Variants in ANO3 observed in about 807,000 individuals in gnomAD.
ANO3 encodes the protein anoctamin 3.
ANO3 carries 99 observed loss-of-function variants against 144.8 expected under a neutral mutation model. That is an observed-to-expected ratio of 0.68 (90% CI 0.58 to 0.81). ANO3 has a LOEUF of 0.81. ANO3 is among the 30% of genes least tolerant of loss of function. The probability of loss-of-function intolerance (pLI) is 0.00; values close to 1 mark genes in which losing one functional copy is unlikely to be tolerated. For missense variants in ANO3, 905 were observed against 1,202.2 expected (o/e 0.75, Z 3.66); for synonymous variants, 414 against 392.6 (o/e 1.05, Z -0.64).
intron 1 of ANO3, among the ~76,000 whole-genome samples, chr11:26,334,609 A>G (rs1855146209): frequency 6.6e-6 from 1 of 152,242 alleles, no homozygotes; most frequent in African/African-American, 2.4e-5. Flanking sequence ...TAACATGAAC[A>G]GAATACATTC....
intron 9 of ANO3, among the ~76,000 whole-genome samples, chr11:26,535,254 A>C (rs2134192084): frequency 6.6e-6 from 1 of 152,340 alleles, no homozygotes; most frequent in African/African-American, 2.4e-5. Context: ...TAATTTTCTA[A>C]ATTTCTTTGT....
chr11:26,243,376 T>C (rs553984119), intron 1 of ANO3, among the ~76,000 whole-genome samples: 23 of 152,166 alleles, frequency 1.5e-4, no homozygotes, highest in Non-Finnish European at 3.1e-4. Flanking sequence ...TTATATGTTC[T>C]TTGCAAGAAT....
chr11:26,391,765 T>C (rs1408946611), intron 1 of ANO3, among the ~76,000 whole-genome samples: 4 of 152,138 alleles, frequency 2.6e-5, no homozygotes, highest in Non-Finnish European at 5.9e-5. Context: ...TATCTCTATT[T>C]AAGACACTCA....
Position 26,273,742 on chromosome 11 carries a change from A to G in ANO3, c.155-35903A>G, listed in dbSNP as rs185633233. ...TGGAGAAATTCAAAAACAAATAGAC[A>G]TCACACGAGAGGAGTTAACCGAAGA... On this transcript the variant is annotated intron_variant, in intron 1 of 27. Transcript: ENST00000672621. 7.9e-5 allele frequency among the ~76,000 whole-genome samples: 12 copies of G among 152,144 alleles called. No individual in the cohort carries two copies. The East Asian group carries it at 1.7e-3, about 22-fold the overall frequency.
chr11:26,458,997 TCAAA>T (rs1834832338), intron 3 of ANO3, among the ~76,000 whole-genome samples: 1 of 151,974 alleles, frequency 6.6e-6, no homozygotes. Flanking sequence ...GAAATAATGG[TCAAA>T]CAGTGATTCT....
At chr11:26,303,943 GA>G (rs1212970636) in intron 1 of ANO3, among the ~76,000 whole-genome samples, 1 of 151,990 alleles carries the variant, frequency 6.6e-6, no homozygotes, top group Non-Finnish European at 1.5e-5. Context: ...TCGATCTCTT[GA>G]CCTCGTGATC....
At chr11:26,501,298 A>G (rs924085342) in intron 4 of ANO3, among the ~76,000 whole-genome samples, 7 of 152,304 alleles carry the variant, frequency 4.6e-5, no homozygotes, top group African/African-American at 1.4e-4. Flanking sequence ...TGAGCAGGCC[A>G]GAGTCACGCC....
intron 6 of ANO3, among the ~76,000 whole-genome samples, chr11:26,522,111 G>C (rs1862102760): frequency 6.6e-6 from 1 of 152,036 alleles, no homozygotes; most frequent in African/African-American, 2.4e-5. Context: ...GTGAACCCGG[G>C]AGGCTGAGCT....
At chr11:26,415,393 C>T (rs1857554908) in intron 1 of ANO3, among the ~76,000 whole-genome samples, 1 of 151,940 alleles carries the variant, frequency 6.6e-6, no homozygotes, top group South Asian at 2.1e-4. Flanking sequence ...GATTCTAGTG[C>T]CATTCTTTTT....
At chr11:26,455,932 T>G (rs1466086256) in intron 3 of ANO3, among the ~76,000 whole-genome samples, 1 of 151,790 alleles carries the variant, frequency 6.6e-6, no homozygotes, top group Admixed American at 6.6e-5. Context: ...TATCTACAAC[T>G]ATCTGATCTT....
At chr11:26,329,327 C>CACACACAG (rs1476384143), upstream of ANO3, among the ~76,000 whole-genome samples, 1 of 110,374 alleles carries the variant, frequency 9.1e-6, no homozygotes, top group East Asian at 2.5e-4. Context: ...CACACACACA[C>CACACACAG]AGAGAGAGAG....
At chr11:26,235,207 C>A (rs1399692213) in intron 1 of ANO3, among the ~76,000 whole-genome samples, 3 of 152,136 alleles carry the variant, frequency 2.0e-5, no homozygotes, top group Non-Finnish European at 2.9e-5. Context: ...AATGTTTAAC[C>A]AGGTATCTGA....
intron 1 of ANO3, among the ~76,000 whole-genome samples, chr11:26,376,175 G>T (rs1856400840): frequency 6.6e-6 from 1 of 152,066 alleles, no homozygotes; most frequent in Non-Finnish European, 1.5e-5. Flanking sequence ...TTGTACGTGG[G>T]TGAAAAAGAG....
At position 26,598,889 on chromosome 11, in the gene ANO3, A is replaced by G; in HGVS notation, c.1562A>G (p.Tyr521Cys). The change falls in exon 16 of 27, where the codon TAT becomes TGT. Residue 521 changes from tyrosine (Y) to cysteine (C), a missense_variant. By Grantham distance (194) the Tyr-to-Cys change is radical (BLOSUM62 -2). This residue lies in a region of ANO3 where 597 missense variants were observed against 865.1 expected (regional missense o/e 0.69). Transcript: ENST00000256737. ...CTTCGTCCCCAGTTTGAAGCCAAGTATTACAAGATGGAGATTGTAAATCCC... is the reference window on the plus strand; with the variant it reads ...CTTCGTCCCCAGTTTGAAGCCAAGTGTTACAAGATGGAGATTGTAAATCCC... Reference protein sequence around the residue: ...ETLRPQFEAKYYKMEIVNPIT... With the variant: ...ETLRPQFEAKCYKMEIVNPIT... 1 of 1,613,968 alleles carries G rather than the reference A, an allele frequency of 6.2e-7. No individual in the cohort carries two copies. The highest frequency in any genetic ancestry group is 1.1e-5 in the South Asian group (1 of 91,036).
At chr11:26,563,395 C>CTCTGTGTGTG (rs371195680) in intron 14 of ANO3, 9 of 540,112 alleles carry the variant, frequency 1.7e-5, no homozygotes, top group African/African-American at 1.2e-4. Flanking sequence ...GTTTCTCTCT[C>CTCTGTGTGTG]TGTGTGTGTG....
intron 19 of ANO3, 119 bp downstream of exon 19, chr11:26,634,434 C>A: frequency 4.7e-6 from 3 of 632,828 alleles, no homozygotes; most frequent in Admixed American, 2.8e-5. Flanking sequence ...AAAGTTGGCA[C>A]AAAAAAATAA....
At chr11:26,240,642 C>T (rs1007926141) in intron 1 of ANO3, among the ~76,000 whole-genome samples, 2 of 152,024 alleles carry the variant, frequency 1.3e-5, no homozygotes, top group African/African-American at 2.4e-5. Flanking sequence ...ATATACTGTT[C>T]GGTTTTTTAC....
At chr11:26,606,953 A>T (rs1851953041) in intron 17 of ANO3, among the ~76,000 whole-genome samples, 2 of 152,112 alleles carry the variant, frequency 1.3e-5, no homozygotes, top group Non-Finnish European at 2.9e-5. Context: ...AGCTCTGGCA[A>T]GGCAGGTCTG....
At chr11:26,289,757 GTA>G (rs1183390524) in intron 1 of ANO3, among the ~76,000 whole-genome samples, 3 of 133,810 alleles carry the variant, frequency 2.2e-5, no homozygotes, top group African/African-American at 8.3e-5. Flanking sequence ...TTCTATATGT[GTA>G]TATATATGTA....
Sources: gnomAD v4.1 joint callset for allele counts (sites outside exome capture counted in the v4.1 genomes callset) on GRCh38, gnomAD v4.1.1 for gene constraint, gnomAD v4.1.1 regional missense constraint, MANE v1.5 for transcripts, NCBI Gene and HGNC (gene_info 2026-07-23, HGNC 2026-07-21) for gene names.